FGF13: variants seen among roughly 807,000 people sequenced by gnomAD.
FGF13 encodes fibroblast growth factor homologous factor 2.
FGF13 carries 2 observed loss-of-function variants against 19.5 expected under a neutral mutation model. The ratio of observed to expected loss-of-function variants is 0.10; its 90% CI spans 0.04 to 0.32. The LOEUF (loss-of-function observed/expected upper bound fraction) is 0.32. Among genes scored for constraint, FGF13 ranks in the 10% least tolerant of loss-of-function variants. The pLI is 1.00. For missense variants in FGF13, 113 were observed against 192.7 expected (o/e 0.59, Z 2.45); for synonymous variants, 72 against 76.9 (o/e 0.94, Z 0.33).
At chrX:138,676,810 C>T (rs768860711) in intron 3 of FGF13, among the ~76,000 whole-genome samples, 19 of 112,225 alleles carry the variant, frequency 1.7e-4, no homozygotes, top group African/African-American at 5.5e-4. Context: ...GCTCCCCCAT[C>T]GCTCAGGTCC....
intron 1 of FGF13, among the ~76,000 whole-genome samples, chrX:138,885,749 C>A (rs1383363934): frequency 9.2e-6 from 1 of 109,239 alleles, no homozygotes; most frequent in Non-Finnish European, 1.9e-5. Flanking sequence ...TGAATGTTAA[C>A]TCCAACAGGG....
intron 3 of FGF13, among the ~76,000 whole-genome samples, chrX:138,829,469 G>A (rs1220370503): frequency 9.0e-6 from 1 of 111,322 alleles, no homozygotes; most frequent in African/African-American, 3.3e-5. Context: ...TCTTCCATGA[G>A]TGGAAGCACT....
chrX:138,648,689 T>C (rs1441966596), intron 3 of FGF13, among the ~76,000 whole-genome samples: 2 of 111,745 alleles, frequency 1.8e-5, no homozygotes, highest in Non-Finnish European at 3.8e-5. Context: ...TGTCATGTCA[T>C]GCTTCCTCAC....
chrX:138,936,258 G>C (rs1413007700), intron 1 of FGF13, among the ~76,000 whole-genome samples: 1 of 112,158 alleles, frequency 8.9e-6, no homozygotes, highest in Non-Finnish European at 1.9e-5. Context: ...CACAAAAAGA[G>C]CTCTCCCTTA....
intron 3 of FGF13, among the ~76,000 whole-genome samples, chrX:138,656,193 G>A (rs1467539257): frequency 9.0e-6 from 1 of 111,649 alleles, no homozygotes; most frequent in East Asian, 2.8e-4. Flanking sequence ...AACACATGGT[G>A]CTTTAATCAG....
At position 138,632,898 on chromosome X, in the gene FGF13, A is replaced by G; in HGVS notation, c.690T>C (p.Ser230=). Residue 230 remains serine (S), a synonymous_variant, in exon 5 of 5, where the codon TCT becomes TCC. Transcript: ENST00000315930. ...TGGATTTGCCTCCGTTCAGCACGCC[A>G]GAGACACTTCTGCTCTTGGTTGGGG... ...SGTPTKSRSV[S]GVLNGGKSMS... 1 of 1,210,997 alleles carries G rather than the reference A, an allele frequency of 8.3e-7. No homozygotes were observed. Among genetic ancestry groups the G allele is most frequent in the African/African-American group, 1.7e-5 (1 of 57,684 alleles).
At chrX:138,839,312 C>A (rs1221176744) in intron 3 of FGF13, among the ~76,000 whole-genome samples, 1 of 111,254 alleles carries the variant, frequency 9.0e-6, no homozygotes, top group Non-Finnish European at 1.9e-5. Flanking sequence ...ATTTTCCACT[C>A]TATGGTATTC....
chrX:138,859,429 G>C (rs761006512), intron 2 of FGF13, among the ~76,000 whole-genome samples: 1 of 112,343 alleles, frequency 8.9e-6, no homozygotes, highest in African/African-American at 3.2e-5. Flanking sequence ...TTATAAGACT[G>C]AAGGACAATT....
At chrX:138,781,985 G>C (rs1293703724) in intron 3 of FGF13, among the ~76,000 whole-genome samples, 1 of 111,902 alleles carries the variant, frequency 8.9e-6, no homozygotes, top group Non-Finnish European at 1.9e-5. Flanking sequence ...TCATCCCTGG[G>C]ATGCAAGGCT....
intron 3 of FGF13, among the ~76,000 whole-genome samples, chrX:138,757,992 T>C (rs1007054764): frequency 1.8e-5 from 2 of 112,196 alleles, no homozygotes; most frequent in African/African-American, 6.5e-5. Flanking sequence ...GGGACTGTAC[T>C]GTTAGTCACT....
intron 3 of FGF13, among the ~76,000 whole-genome samples, chrX:138,814,896 C>T (rs1243431473): frequency 9.0e-6 from 1 of 111,574 alleles, no homozygotes; most frequent in Non-Finnish European, 1.9e-5. Context: ...CTCTCATGTT[C>T]ATTGCAGCGT....
chrX:139,127,859 A>G (rs1231611487), intron 1 of FGF13, among the ~76,000 whole-genome samples: 2 of 111,030 alleles, frequency 1.8e-5, no homozygotes, highest in Non-Finnish European at 3.8e-5. Context: ...CTGGCATACC[A>G]GGAGTCAAAA....
chrX:139,128,083 C>G, intron 1 of FGF13, among the ~76,000 whole-genome samples: 1 of 110,655 alleles, frequency 9.0e-6, no homozygotes, highest in Non-Finnish European at 1.9e-5. Flanking sequence ...TTAAGAAACT[C>G]AAGAGCTTAA....
chrX:139,182,963 A>G (rs753701296), intron 1 of FGF13, among the ~76,000 whole-genome samples: 1 of 111,316 alleles, frequency 9.0e-6, no homozygotes, highest in South Asian at 3.9e-4. Context: ...TAAGAGGCTC[A>G]CTCAAGGGCA....
rs1468001198 is a variant in FGF13 at position 138,984,614 on chromosome X, GGAT to G, written c.-112-119967_-112-119965del. Reference sequence around the variant, plus strand: ...AGGAGGAGGAGGAGGAGGAGGAGGAGGATGAGGAAGAGGAGGAGGAGGAGGAGG... The same window carrying G: ...AGGAGGAGGAGGAGGAGGAGGAGGAGGAGGAAGAGGAGGAGGAGGAGGAGG... On this transcript the variant is annotated intron_variant, in intron 1 of 2. Transcript: ENST00000421460. Among the ~76,000 whole-genome samples the G allele has an allele frequency of 4.3e-3, 245 of 57,221 alleles. 35 individuals carry two copies. Among genetic ancestry groups the G allele is most frequent in the Middle Eastern group, 0.01 (1 of 99 alleles). 49.7% of individuals were successfully genotyped at this position (57,221 alleles called of 115,157 possible). A position where few individuals can be genotyped will look rare whatever the true frequency, so the allele number is the denominator to read the frequency against.
intron 1 of FGF13, among the ~76,000 whole-genome samples, chrX:138,902,594 T>C (rs896980484): frequency 1.1e-4 from 12 of 111,350 alleles, no homozygotes; most frequent in East Asian, 8.4e-4. Context: ...TACTTCCTCA[T>C]TTTTTTTCTA....
intron 1 of FGF13, among the ~76,000 whole-genome samples, chrX:138,936,836 C>T (rs891372176): frequency 1.8e-5 from 2 of 111,865 alleles, no homozygotes; most frequent in Non-Finnish European, 3.8e-5. Context: ...CACTGGGGAC[C>T]GCAAGGCCAC....
chrX:138,623,993 G>A lies in FGF13; in HGVS notation c.*8857C>T, dbSNP rs1569347366. On this transcript the variant is annotated 3_prime_UTR_variant, in exon 5 of 5. Coordinates refer to ENST00000315930, the MANE Select transcript of FGF13 (RefSeq NM_004114.5). Reference sequence around the variant, plus strand: ...TTCATAGTTTGGAAGAATTAATTTTGCAAAAATGTTGATACTAACCAAAGT... The same window carrying A: ...TTCATAGTTTGGAAGAATTAATTTTACAAAAATGTTGATACTAACCAAAGT... The A allele has an allele frequency of 9.0e-6, 1 of 111,369 alleles. No individual in the cohort carries two copies. The highest frequency in any genetic ancestry group is 1.9e-5 in the Non-Finnish European group (1 of 53,045). 9.2% of individuals were successfully genotyped at this position (111,369 alleles called of 1,213,427 possible).
chrX:138,823,029 G>T (rs1243181998), intron 3 of FGF13, among the ~76,000 whole-genome samples: 1 of 111,562 alleles, frequency 9.0e-6, no homozygotes, highest in Non-Finnish European at 1.9e-5. Flanking sequence ...CATTCGAGGT[G>T]TTATGGAGAA....
Sources: gnomAD v4.1 joint callset for allele counts (sites outside exome capture counted in the v4.1 genomes callset) on GRCh38, gnomAD v4.1.1 for gene constraint, MANE v1.5 for transcripts, NCBI Gene and HGNC (gene_info 2026-07-23, HGNC 2026-07-21) for gene names.